Variants in COPS3 observed in about 807,000 individuals in gnomAD.
The protein encoded by COPS3 is COP9 signalosome complex subunit 3.
Under a neutral mutation model 58.2 loss-of-function variants are expected in COPS3, and 10 were observed. The observed-to-expected ratio is 0.17, with a 90% CI of 0.11 to 0.29. The LOEUF is 0.29. Among genes scored for constraint, COPS3 ranks in the 10% least tolerant of loss-of-function variants. The pLI is 1.00. For missense variants in COPS3, 333 were observed against 510.1 expected (o/e 0.65, Z 3.34); for synonymous variants, 187 against 181.7 (o/e 1.03, Z -0.24).
At chr17:17,261,242 C>T (rs2048092680) in intron 7 of COPS3, among the ~76,000 whole-genome samples, 1 of 152,080 alleles carries the variant, frequency 6.6e-6, no homozygotes, top group Non-Finnish European at 1.5e-5. Context: ...AGAAGGAAGA[C>T]AGGGCCGGGC....
At chr17:17,260,625 GA>G in intron 7 of COPS3, 151 bp from the exon 8 acceptor site, 1 of 603,792 alleles carries the variant, frequency 1.7e-6, no homozygotes. Flanking sequence ...CCAACATGAA[GA>G]AACCCCGTCT....
intron 8 of COPS3, 60 bp from the exon 9 acceptor site, chr17:17,255,005 A>G (rs546861059): frequency 3.2e-6 from 4 of 1,250,464 alleles, no homozygotes; most frequent in Admixed American, 1.7e-5. Context: ...ACATTTTATT[A>G]AATGTGTACA....
intron 6 of COPS3, among the ~76,000 whole-genome samples, 185 bp from the exon 7 acceptor site, chr17:17,262,291 C>T (rs1173578625): frequency 2.6e-5 from 4 of 152,076 alleles, no homozygotes; most frequent in South Asian, 2.1e-4. Context: ...GACAGGGTCT[C>T]GCTCTGTCAT....
intron 1 of COPS3, chr17:17,280,539 TA>T (rs749498803): frequency 2.2e-4 from 268 of 1,225,488 alleles, no homozygotes; most frequent in Admixed American, 6.8e-4. Context: ...CAGCCTCGGC[TA>T]AAAAAAAACA....
At chr17:17,251,072 G>A (rs2047832634) in intron 9 of COPS3, among the ~76,000 whole-genome samples, 1 of 152,174 alleles carries the variant, frequency 6.6e-6, no homozygotes, top group South Asian at 2.1e-4. Flanking sequence ...TCAGCTCACT[G>A]CAAGCTCCAC....
chr17:17,258,592 C>T (rs9891561), intron 8 of COPS3, among the ~76,000 whole-genome samples: 5,607 of 151,982 alleles, frequency 0.037, 311 homozygotes, highest in African/African-American at 0.12. Flanking sequence ...TAGTCACAAA[C>T]AGAGTTTGTG....
At position 17,255,105 on chromosome 17, in the gene COPS3, T is replaced by A. The variant is rs2047938399; in HGVS notation, c.937-160A>T. ...TCATGAGGCCAGGAGATTGAGACCATCTTGGCTAACATGGTGAAACCCTGT... is the reference window on the plus strand; with the variant it reads ...TCATGAGGCCAGGAGATTGAGACCAACTTGGCTAACATGGTGAAACCCTGT... On this transcript the variant is annotated intron_variant, in intron 8 of 11. Coordinates refer to ENST00000268717, the MANE Select transcript of COPS3 (RefSeq NM_003653.4). The A allele has an allele frequency of 9.6e-6, 5 of 519,984 alleles. No individual in the cohort carries two copies. The South Asian group carries it at 1.1e-4, about 12-fold the overall frequency. 32.2% of individuals were successfully genotyped at this position (519,984 alleles called of 1,614,324 possible).
chr17:17,261,566 A>G (rs1234564122), intron 7 of COPS3: 2 of 349,368 alleles, frequency 5.7e-6, no homozygotes, highest in East Asian at 2.3e-4. Context: ...AAATATAACA[A>G]AACAAAATAA....
At chr17:17,250,015 T>G (rs993512977) in intron 9 of COPS3, among the ~76,000 whole-genome samples, 2 of 152,232 alleles carry the variant, frequency 1.3e-5, no homozygotes, top group African/African-American at 4.8e-5. Flanking sequence ...TGGAGCATTT[T>G]CGTCACCCCA....
At chr17:17,251,367 T>C (rs1040386704) in intron 9 of COPS3, among the ~76,000 whole-genome samples, 13 of 151,982 alleles carry the variant, frequency 8.6e-5, no homozygotes, top group African/African-American at 3.1e-4. Flanking sequence ...TGATCTCCAG[T>C]CACTGCAACC....
At chr17:17,267,630 T>A (rs1193158193) in intron 5 of COPS3, among the ~76,000 whole-genome samples, 1 of 118,826 alleles carries the variant, frequency 8.4e-6, no homozygotes, top group Admixed American at 9.7e-5. Context: ...AAAGTGAGAC[T>A]GTCTCAAAAA....
intron 4 of COPS3, among the ~76,000 whole-genome samples, chr17:17,269,878 C>T (rs187706134): frequency 9.5e-4 from 145 of 152,222 alleles, no homozygotes; most frequent in Non-Finnish European, 1.7e-3. Context: ...ATTTCTGGGC[C>T]GGGCGTGGTG....
In COPS3 at chr17:17,281,197, G is replaced by C. The variant is rs771128265; in HGVS notation, c.-11C>G. ...CAGGGCAGACGCCATGTTTTCCCCC[G>C]GGCGGCCCGAGCGGCGAAGGCAGCA... On this transcript the variant is annotated 5_prime_UTR_variant, in exon 1 of 12. Transcript: ENST00000268717. 6.2e-7 allele frequency: 1 copy of C among 1,608,648 alleles called. No homozygotes were observed. Among genetic ancestry groups the C allele is most frequent in the Non-Finnish European group, 8.5e-7 (1 of 1,177,892 alleles).
chr17:17,268,851 A>ATATAT (rs1555620157), intron 4 of COPS3, among the ~76,000 whole-genome samples: 141 of 149,066 alleles, frequency 9.5e-4, no homozygotes, highest in Non-Finnish European at 1.4e-3. Context: ...CAACAACAAA[A>ATATAT]ATATATATAT....
At chr17:17,271,842 A>ATATC (rs1555620662) in intron 2 of COPS3, among the ~76,000 whole-genome samples, 84 of 140,454 alleles carry the variant, frequency 6.0e-4, no homozygotes, top group Non-Finnish European at 1.0e-3. Flanking sequence ...ATATATATCT[A>ATATC]TATATATATA....
intron 2 of COPS3, among the ~76,000 whole-genome samples, chr17:17,273,069 A>T (rs2048386319): frequency 1.3e-5 from 2 of 152,172 alleles, no homozygotes; most frequent in African/African-American, 2.4e-5. Context: ...TAGTATTATA[A>T]ATTGGGATAT....
chr17:17,265,166 A>C (rs1466109052), intron 5 of COPS3, among the ~76,000 whole-genome samples, 185 bp from the exon 6 acceptor site: 1 of 152,174 alleles, frequency 6.6e-6, no homozygotes, highest in Non-Finnish European at 1.5e-5. Context: ...TAGGACCACA[A>C]GTGTTTCAAA....
At chr17:17,274,269 C>T (rs2048412068) in intron 2 of COPS3, among the ~76,000 whole-genome samples, 1 of 152,152 alleles carries the variant, frequency 6.6e-6, no homozygotes, top group African/African-American at 2.4e-5. Flanking sequence ...CAATGCCTCA[C>T]TGACCTATTG....
Position 17,280,580 on chromosome 17 carries a change from G to C in COPS3, c.55+552C>G, listed in dbSNP as rs1241148908. On this transcript the variant is annotated intron_variant, in intron 1 of 11. Coordinates refer to ENST00000268717, the MANE Select transcript of COPS3 (RefSeq NM_003653.4). The stretch of plus-strand genomic sequence containing the variant: ...AGAAGAAATGGAGTCCTACGAGCGA[G>C]AGCTTCCGCAGCATTCTGTAGGACC... The C allele has an allele frequency of 9.3e-6, 12 of 1,289,882 alleles. No individual in the cohort carries two copies. The South Asian group carries it at 1.3e-4, about 13-fold the overall frequency. 79.9% of individuals were successfully genotyped at this position (1,289,882 alleles called of 1,614,324 possible).
Sources: gnomAD v4.1 joint callset for allele counts (sites outside exome capture counted in the v4.1 genomes callset) on GRCh38, gnomAD v4.1.1 for gene constraint, MANE v1.5 for transcripts, NCBI Gene and HGNC (gene_info 2026-07-23, HGNC 2026-07-21) for gene names.